Variants in GARRE1 observed in about 807,000 individuals in gnomAD.
GARRE1 encodes the protein granule associated Rac and RHOG effector protein 1.
Under a neutral mutation model 103.2 loss-of-function variants are expected in GARRE1, and 49 were observed. The ratio of observed to expected loss-of-function variants is 0.47; its 90% CI spans 0.38 to 0.60. The LOEUF is 0.60. Among genes scored for constraint, GARRE1 ranks in the 20% least tolerant of loss-of-function variants. The pLI is 0.00. For synonymous variants in GARRE1, 505 were observed against 532.8 expected, an observed-to-expected ratio of 0.95 and a Z score of 0.72; for missense variants, 1,199 against 1,370.5, an observed-to-expected ratio of 0.87 and a Z score of 1.98.
At chr19:34,329,817 A>G (rs2074129140) in intron 6 of GARRE1, among the ~76,000 whole-genome samples, 1 of 151,882 alleles carries the variant, frequency 6.6e-6, no homozygotes, top group South Asian at 2.1e-4. Context: ...GCCTAGGCAA[A>G]CAGAGCAAGG....
chr19:34,275,739 C>G (rs1332994181), intron 1 of GARRE1, among the ~76,000 whole-genome samples: 1 of 152,038 alleles, frequency 6.6e-6, no homozygotes, highest in Non-Finnish European at 1.5e-5. Context: ...ATATATATAC[C>G]TAGGAGTAAA....
intron 12 of GARRE1, 133 bp downstream of exon 12, chr19:34,349,286 T>G: frequency 1.1e-6 from 1 of 886,964 alleles, no homozygotes; most frequent in Non-Finnish European, 1.7e-6. Context: ...CTTCCAGCAA[T>G]GCCTGGCTGA....
Position 34,333,475 on chromosome 19 carries a change from A to G in GARRE1, c.1264-229A>G, listed in dbSNP as rs1014159657. 2.2e-4 allele frequency among the ~76,000 whole-genome samples: 33 copies of G among 152,202 alleles called. 1 individual carries two copies. The highest frequency in any genetic ancestry group is 3.4e-4 in the African/African-American group (14 of 41,452). On this transcript the variant is annotated intron_variant, in intron 7 of 13. Transcript: ENST00000299505. Reference sequence around the variant, plus strand: ...AGTGCTAGAGGTGCTTGCCAGTTCAATTTAATTCCATGCCCAGAATGTGGT... The same window carrying G: ...AGTGCTAGAGGTGCTTGCCAGTTCAGTTTAATTCCATGCCCAGAATGTGGT...
At chr19:34,329,151 C>A (rs1322611552) in intron 6 of GARRE1, among the ~76,000 whole-genome samples, 3 of 152,138 alleles carry the variant, frequency 2.0e-5, no homozygotes, top group Non-Finnish European at 2.9e-5. Context: ...GGGGTGCTGC[C>A]CTTTGGCCCA....
chr19:34,284,077 G>A (rs1307658871), intron 1 of GARRE1, among the ~76,000 whole-genome samples: 1 of 147,640 alleles, frequency 6.8e-6, no homozygotes, highest in South Asian at 2.1e-4. Context: ...TGATCCGCCC[G>A]CCTCAGCCTC....
rs141934454 is a variant in GARRE1 at position 34,318,764 on chromosome 19, G to A, written c.496-1143G>A. ...CCTGTGTTAAAGAGGAAATAAGGCC[G>A]GGCATGGGAGCTCATGCCTGTAATC... On this transcript the variant is annotated intron_variant, in intron 2 of 13. Coordinates refer to ENST00000299505, the MANE Select transcript of GARRE1 (RefSeq NM_014686.5). Among the ~76,000 whole-genome samples, 429 of 152,252 alleles carry A rather than the reference G, an allele frequency of 2.8e-3. 2 individuals carry two copies. Among genetic ancestry groups the A allele is most frequent in the Middle Eastern group, 0.017 (5 of 294 alleles).
In GARRE1 at chr19:34,297,078, G is replaced by C. The variant is rs181916227; in HGVS notation, c.-795-2601G>C. Among the ~76,000 whole-genome samples, 17 of 152,290 alleles carry C rather than the reference G, an allele frequency of 1.1e-4. No individual in the cohort carries two copies. In the East Asian group the frequency reaches 3.3e-3, roughly 29 times the overall value. On this transcript the variant is annotated intron_variant, in intron 1 of 13. Transcript: ENST00000299505. ...GAGGTGGGTGGATCACTTGAGGCCA[G>C]GAGTTTGAGACCGGCCTGGCCAATA...
In GARRE1 at chr19:34,352,709, C is replaced by T. The variant is rs150313712; in HGVS notation, c.2967C>T (p.Ser989=). ...APWQHPSPLP[S]TLPSPSAPLY... is the part of the protein sequence containing the mutation. ...GGCAGCACCCTTCCCCGCTTCCCAG[C>T]ACGCTGCCCAGCCCCAGCGCACCAC... Residue 989 remains serine, a synonymous_variant, in exon 14 of 14, where the codon AGC becomes AGT. Coordinates refer to ENST00000299505, the MANE Select transcript of GARRE1 (RefSeq NM_014686.5). 5.7e-4 allele frequency: 912 copies of T among 1,614,070 alleles called. 2 individuals carry two copies. The highest frequency in any genetic ancestry group is 6.7e-4 in the Non-Finnish European group (786 of 1,179,954).
At chr19:34,334,682 G>C (rs1015012301) in intron 8 of GARRE1, among the ~76,000 whole-genome samples, 17 of 132,812 alleles carry the variant, frequency 1.3e-4, no homozygotes, top group East Asian at 1.2e-3. Flanking sequence ...CTGGGCAATA[G>C]AGCAAAACTA....
chr19:34,334,776 A>G (rs2074153432), intron 8 of GARRE1, among the ~76,000 whole-genome samples: 1 of 151,808 alleles, frequency 6.6e-6, no homozygotes, highest in African/African-American at 2.4e-5. Context: ...ATATGGGGCC[A>G]GGTGGGGTGG....
chr19:34,271,342 G>A (rs1285624192), intron 1 of GARRE1, among the ~76,000 whole-genome samples: 4 of 150,542 alleles, frequency 2.7e-5, no homozygotes, highest in Non-Finnish European at 3.0e-5. Flanking sequence ...TCTGTCTCCC[G>A]GGTTCAAGCG....
At position 34,286,533 on chromosome 19, in the gene GARRE1, C is replaced by CT. The variant is rs34242130; in HGVS notation, c.-795-13131dup. 7.4e-3 allele frequency among the ~76,000 whole-genome samples: 785 copies of CT among 105,760 alleles called. 5 individuals are homozygous for CT. Among genetic ancestry groups the CT allele is most frequent in the Middle Eastern group, 0.022 (2 of 90 alleles). 69.4% of individuals were successfully genotyped at this position (105,760 alleles called of 152,430 possible). A position where few individuals can be genotyped will look rare whatever the true frequency, so the allele number is the denominator to read the frequency against. ...CGTGCCCAGCCAACCTTTCTGTATT[C>CT]TTTTTTTTTTTTTTTGAGACGGAGT... is the stretch of plus-strand genomic sequence containing the variant. On this transcript the variant is annotated intron_variant, in intron 1 of 13. Coordinates refer to ENST00000299505, the MANE Select transcript of GARRE1 (RefSeq NM_014686.5).
chr19:34,281,443 A>T (rs1449445308), intron 1 of GARRE1, among the ~76,000 whole-genome samples: 1 of 152,192 alleles, frequency 6.6e-6, no homozygotes, highest in Non-Finnish European at 1.5e-5. Flanking sequence ...GACGCCTGCC[A>T]CTATGCCTGG....
intron 1 of GARRE1, among the ~76,000 whole-genome samples, chr19:34,279,264 A>G (rs2073836457): frequency 6.6e-6 from 1 of 152,138 alleles, no homozygotes; most frequent in Non-Finnish European, 1.5e-5. Flanking sequence ...AGCAATACAC[A>G]AGGCTTCCAA....
At chr19:34,262,434 T>A (rs950081834) in intron 1 of GARRE1, among the ~76,000 whole-genome samples, 5 of 151,812 alleles carry the variant, frequency 3.3e-5, no homozygotes, top group African/African-American at 1.2e-4. Context: ...TAGCTGGGAT[T>A]ACAGGCATGC....
intron 13 of GARRE1, among the ~76,000 whole-genome samples, chr19:34,351,876 G>A (rs1484013635): frequency 6.6e-6 from 1 of 152,186 alleles, no homozygotes; most frequent in East Asian, 1.9e-4. Context: ...CAAGGCAGAA[G>A]GATGGCTTGA....
chr19:34,270,467 T>C (rs2073780558), intron 1 of GARRE1, among the ~76,000 whole-genome samples: 1 of 152,130 alleles, frequency 6.6e-6, no homozygotes, highest in African/African-American at 2.4e-5. Context: ...GAGGGAAGGT[T>C]AAGTTGAAGG....
rs766836349 is a variant in GARRE1, at chr19:34,348,003, C to G, written c.2648C>G (p.Ala883Gly). The change falls in exon 11 of 14, where the codon GCG becomes GGG. Residue 883 changes from alanine (A) to glycine (G), a missense_variant. By Grantham distance (60) the Ala-to-Gly change is moderately conservative (BLOSUM62 0). Transcript: ENST00000299505. The stretch of plus-strand genomic sequence containing the variant: ...GGCAACTGGCCGCCTATGGATGACG[C>G]GCATCGGACCTGGCCCTTCCCCGAG... ...PRGNWPPMDD[A>G]HRTWPFPEFF... 1 of 1,550,410 alleles carries G rather than the reference C, an allele frequency of 6.4e-7. No individual in the cohort carries two copies. The highest frequency in any genetic ancestry group is 1.2e-5 in the South Asian group (1 of 83,624).
At chr19:34,337,953 C>G (rs1051181470) in intron 8 of GARRE1, among the ~76,000 whole-genome samples, 1 of 152,168 alleles carries the variant, frequency 6.6e-6, no homozygotes, top group Non-Finnish European at 1.5e-5. Context: ...TGCACTGAAC[C>G]TTGGGCAGGC....
Sources: allele counts gnomAD v4.1 joint callset (sites outside exome capture counted in the v4.1 genomes callset), GRCh38; gene constraint gnomAD v4.1.1; transcripts MANE v1.5; gene names NCBI Gene and HGNC (gene_info 2026-07-23, HGNC 2026-07-21).